Variants in SPIN1 observed in about 807,000 individuals in gnomAD.
SPIN1 encodes spindlin-1.
Under a neutral mutation model 26.0 loss-of-function variants are expected in SPIN1, and 3 were observed. The observed-to-expected ratio is 0.12, with a 90% confidence interval of 0.05 to 0.30. SPIN1 has a LOEUF of 0.30. SPIN1 is among the 10% of genes least tolerant of loss of function. The pLI, the probability that SPIN1 is intolerant of heterozygous loss-of-function variation, is 1.00. For synonymous variants in SPIN1, 101 were observed against 116.5 expected (o/e 0.87, Z 0.86); for missense variants, 126 against 333.4 (o/e 0.38, Z 4.84).
chr9:88,427,629 G>A (rs570779072), intron 2 of SPIN1, among the ~76,000 whole-genome samples: 1 of 149,110 alleles, frequency 6.7e-6, no homozygotes, highest in South Asian at 2.1e-4. Flanking sequence ...TTTTTGAGAC[G>A]GAGTCTCGCT....
intron 1 of SPIN1, among the ~76,000 whole-genome samples, chr9:88,411,938 G>A (rs1827455924): frequency 6.6e-6 from 1 of 151,828 alleles, no homozygotes; most frequent in South Asian, 2.1e-4. Flanking sequence ...ATGGGAGGCC[G>A]AGACGGGCAG....
chr9:88,441,338 G>A (rs2046014471), intron 2 of SPIN1, among the ~76,000 whole-genome samples: 1 of 150,738 alleles, frequency 6.6e-6, no homozygotes, highest in African/African-American at 2.5e-5. Context: ...CGTAGATATG[G>A]AGGGACGGCT....
chr9:88,465,486 AT>A (rs1828650026), intron 4 of SPIN1, among the ~76,000 whole-genome samples: 2 of 152,180 alleles, frequency 1.3e-5, no homozygotes, highest in Non-Finnish European at 2.9e-5. Flanking sequence ...CATAGTGGTC[AT>A]CCTGATGGGT....
rs144641580 is a variant in SPIN1 at position 88,470,476 on chromosome 9, G to A, written c.589+1871G>A. Among the ~76,000 whole-genome samples, 567 of 152,156 alleles carry A rather than the reference G, an allele frequency of 3.7e-3. 1 individual carries two copies. Among genetic ancestry groups the A allele is most frequent in the African/African-American group, 0.012 (513 of 41,522 alleles). On this transcript the variant is annotated intron_variant, in intron 5 of 5. Coordinates refer to ENST00000375859, the MANE Select transcript of SPIN1 (RefSeq NM_006717.3). ...TGATTTCTCCACATTCTCACCAACTGTTACTGTTACTTTGATTCTGGCCAT... is the reference window on the plus strand; with the variant it reads ...TGATTTCTCCACATTCTCACCAACTATTACTGTTACTTTGATTCTGGCCAT...
intron 3 of SPIN1, among the ~76,000 whole-genome samples, chr9:88,450,607 C>T (rs1174244007): frequency 2.0e-5 from 3 of 152,140 alleles, no homozygotes; most frequent in Non-Finnish European, 4.4e-5. Flanking sequence ...AGTTCGTATA[C>T]ATAGTAACTG....
chr9:88,402,499 C>T (rs2117913806), intron 1 of SPIN1, among the ~76,000 whole-genome samples: 1 of 151,312 alleles, frequency 6.6e-6, no homozygotes, highest in South Asian at 2.1e-4. Flanking sequence ...TTTCTATTTC[C>T]ATGAGGTCAA....
At chr9:88,401,041 T>G (rs1176501867) in intron 1 of SPIN1, among the ~76,000 whole-genome samples, 1 of 152,104 alleles carries the variant, frequency 6.6e-6, no homozygotes, top group Non-Finnish European at 1.5e-5. Flanking sequence ...AAGGTTCACC[T>G]AAATGCATAG....
chr9:88,441,417 G>GCGCGCGCA (rs1828123898), intron 2 of SPIN1, among the ~76,000 whole-genome samples: 1 of 148,970 alleles, frequency 6.7e-6, no homozygotes, highest in African/African-American at 2.5e-5. Context: ...GTGTGTGTGC[G>GCGCGCGCA]CGCGCGCGCG....
At chr9:88,454,093 T>C (rs1197430729) in intron 3 of SPIN1, among the ~76,000 whole-genome samples, 1 of 152,232 alleles carries the variant, frequency 6.6e-6, no homozygotes, top group Non-Finnish European at 1.5e-5. Context: ...TATAGATGTT[T>C]AATTCTGGCT....
rs1483397036 is a variant in SPIN1 at position 88,397,599 on chromosome 9, C to T, written c.-159+9061C>T. Among the ~76,000 whole-genome samples the T allele has an allele frequency of 1.4e-4, 21 of 151,230 alleles. 1 individual carries two copies. The highest frequency in any genetic ancestry group is 9.3e-4 in the Admixed American group (14 of 15,110). On this transcript the variant is annotated intron_variant, in intron 1 of 5. Transcript: ENST00000375859. ...ATTGGACTGTACTGATATTCATCACCGACTCCAACAAGCATCAGTTGTCTG... is the reference window on the plus strand; with the variant it reads ...ATTGGACTGTACTGATATTCATCACTGACTCCAACAAGCATCAGTTGTCTG...
intron 3 of SPIN1, among the ~76,000 whole-genome samples, chr9:88,450,012 A>T (rs1450968270): frequency 6.6e-6 from 1 of 152,234 alleles, no homozygotes; most frequent in Non-Finnish European, 1.5e-5. Flanking sequence ...GATACATAAT[A>T]CAAATATTTG....
Position 88,449,158 on chromosome 9 carries a change from C to T in SPIN1, c.101+169C>T, listed in dbSNP as rs138296763. On this transcript the variant is annotated intron_variant, in intron 3 of 5. Transcript: ENST00000375859. ...TGTAGTCATCTTCTCTGTCTCTTCC[C>T]TTCCCCTTGGCCTGGCTGCAGTGTG... Among the ~76,000 whole-genome samples the T allele has an allele frequency of 7.4e-3, 1,123 of 151,796 alleles. 15 individuals carry two copies. The highest frequency in any genetic ancestry group is 0.025 in the African/African-American group (1,050 of 41,338).
At chr9:88,442,212 G>A (rs1214712556) in intron 2 of SPIN1, among the ~76,000 whole-genome samples, 2 of 151,674 alleles carry the variant, frequency 1.3e-5, no homozygotes, top group African/African-American at 4.9e-5. Context: ...GTGTGAGAAA[G>A]GCTTTTATTT....
At chr9:88,443,119 C>CAAAAA (rs769488109) in intron 2 of SPIN1, among the ~76,000 whole-genome samples, 3 of 81,394 alleles carry the variant, frequency 3.7e-5, no homozygotes, top group African/African-American at 3.5e-5. Flanking sequence ...GACTCCATCT[C>CAAAAA]AAAAAAAAAA....
At position 88,441,621 on chromosome 9, in the gene SPIN1, G is replaced by A. The variant is rs559152493; in HGVS notation, c.53-7320G>A. Among the ~76,000 whole-genome samples the A allele has an allele frequency of 5.3e-5, 8 of 151,668 alleles. No homozygotes were observed. In the East Asian group the frequency reaches 1.5e-3, roughly 29 times the overall value. On this transcript the variant is annotated intron_variant, in intron 2 of 5. Transcript: ENST00000375859. ...AAAAATAAAAATGGCTAGGCATGAT[G>A]GTGCATTCCTGTAGTCCCAGCTACT... is the stretch of plus-strand genomic sequence containing the variant.
chr9:88,388,641 G>T lies in SPIN1; in HGVS notation c.-159+103G>T, dbSNP rs1377030869. Reference sequence around the variant, plus strand: ...GGGGGCGCAGGTGAGCGCGGCCCGCGCGGGGCCCGGCGGAGCATTGTCCAG... The same window carrying T: ...GGGGGCGCAGGTGAGCGCGGCCCGCTCGGGGCCCGGCGGAGCATTGTCCAG... On this transcript the variant is annotated intron_variant, in intron 1 of 5. Coordinates refer to ENST00000375859, the MANE Select transcript of SPIN1 (RefSeq NM_006717.3). 5 of 147,894 alleles carry T rather than the reference G, an allele frequency of 3.4e-5. No homozygotes were observed. In the East Asian group the frequency reaches 7.8e-4, roughly 23 times the overall value. 9.2% of individuals were successfully genotyped at this position (147,894 alleles called of 1,614,324 possible).
intron 1 of SPIN1, among the ~76,000 whole-genome samples, chr9:88,394,520 C>CT (rs1393694133): frequency 6.6e-6 from 1 of 152,084 alleles, no homozygotes; most frequent in South Asian, 2.1e-4. Flanking sequence ...TGAGCTTATC[C>CT]TTTTTTCTCT....
intron 5 of SPIN1, among the ~76,000 whole-genome samples, chr9:88,474,131 T>G (rs991516303): frequency 1.3e-5 from 2 of 152,198 alleles, no homozygotes; most frequent in Non-Finnish European, 2.9e-5. Context: ...TACTACCAAT[T>G]GTGCCAGGAT....
chr9:88,444,311 G>A (rs564848498), intron 2 of SPIN1, among the ~76,000 whole-genome samples: 1 of 148,592 alleles, frequency 6.7e-6, no homozygotes, highest in Non-Finnish European at 1.5e-5. Flanking sequence ...CGGGATCGCG[G>A]CTCACTGCAA....
Sources: gnomAD v4.1 joint callset for allele counts (sites outside exome capture counted in the v4.1 genomes callset) on GRCh38, gnomAD v4.1.1 for gene constraint, MANE v1.5 for transcripts, NCBI Gene and HGNC (gene_info 2026-07-23, HGNC 2026-07-21) for gene names.